Variants in CERKL observed in about 807,000 individuals in gnomAD.
CERKL encodes ceramide kinase-like protein.
Under a neutral mutation model 63.4 loss-of-function variants are expected in CERKL, and 61 were observed. That is an observed-to-expected ratio of 0.96 (90% CI 0.78 to 1.19). The LOEUF (loss-of-function observed/expected upper bound fraction) is 1.19, where lower values mean the gene tolerates loss of function less well. Ranked by LOEUF, CERKL falls within the 50% of genes most tolerant of loss-of-function variation. The pLI is 0.00. For missense variants in CERKL, 675 were observed against 655.5 expected (o/e 1.03, Z -0.33); for synonymous variants, 250 against 230.5 (o/e 1.08, Z -0.77).
intron 1 of CERKL, among the ~76,000 whole-genome samples, chr2:181,606,073 T>A: frequency 0.016 from 1,405 of 87,174 alleles, no homozygotes; most frequent in African/African-American, 0.021. Context: ...AAAGGAAGAG[T>A]GAAAAAGAAA....
intron 2 of CERKL, among the ~76,000 whole-genome samples, chr2:181,589,143 A>G (rs896911881): frequency 6.6e-6 from 1 of 152,150 alleles, no homozygotes; most frequent in Non-Finnish European, 1.5e-5. Flanking sequence ...CATCTTAAAA[A>G]TGATTGCCAG....
intron 11 of CERKL, among the ~76,000 whole-genome samples, chr2:181,542,330 A>G (rs922510423): frequency 1.8e-4 from 27 of 152,204 alleles, no homozygotes; most frequent in African/African-American, 6.3e-4. Flanking sequence ...TCAACCTGGT[A>G]AAAATGGTTC....
Position 181,566,127 on chromosome 2 carries a change from A to G in CERKL, c.614-6T>C. The G allele has an allele frequency of 6.2e-7, 1 of 1,605,022 alleles. No homozygotes were observed. The highest frequency in any genetic ancestry group is 8.5e-7 in the Non-Finnish European group (1 of 1,172,128). On this transcript the variant is annotated splice_region_variant and splice_polypyrimidine_tract_variant and intron_variant, in intron 3 of 12. Transcript: ENST00000410087. Reference sequence around the variant, plus strand: ...GTGCCCTTCATATTCCATTACTATTAAAAAAACACACACACATACACAAAG... The same window carrying G: ...GTGCCCTTCATATTCCATTACTATTGAAAAAACACACACACATACACAAAG...
intron 1 of CERKL, among the ~76,000 whole-genome samples, chr2:181,639,689 G>C (rs1331434443): frequency 6.6e-6 from 1 of 152,178 alleles, no homozygotes; most frequent in Non-Finnish European, 1.5e-5. Flanking sequence ...TAACCAAATG[G>C]GGACAGTGCA....
Position 181,537,710 on chromosome 2 carries a change from GT to G in CERKL, c.*473del, listed in dbSNP as rs74486071. ...ATTGATGTATTATGATGGTTGCAAA[GT>G]TTTTTTGTGTGTCCAATAAACACAT... On this transcript the variant is annotated 3_prime_UTR_variant, in exon 13 of 13. Transcript: ENST00000410087. 0.12 allele frequency: 51,572 copies of G among 426,586 alleles called. 3,801 individuals are homozygous for G. The highest frequency in any genetic ancestry group is 0.22 in the East Asian group (3,064 of 14,132). 26.4% of individuals were successfully genotyped at this position (426,586 alleles called of 1,614,324 possible). A position where few individuals can be genotyped will look rare whatever the true frequency, so the allele number is the denominator to read the frequency against.
At chr2:181,547,045 G>A (rs928306955) in intron 10 of CERKL, among the ~76,000 whole-genome samples, 2 of 152,070 alleles carry the variant, frequency 1.3e-5, no homozygotes, top group East Asian at 3.9e-4. Context: ...AAAAATAGGA[G>A]TTTCCCTGCA....
intron 1 of CERKL, among the ~76,000 whole-genome samples, chr2:181,614,804 T>A (rs1381058783): frequency 6.6e-6 from 1 of 152,216 alleles, no homozygotes; most frequent in Non-Finnish European, 1.5e-5. Context: ...TAAATATAAC[T>A]TTAATTCTAC....
chr2:181,582,861 T>C (rs528043493), intron 2 of CERKL, among the ~76,000 whole-genome samples: 1 of 152,218 alleles, frequency 6.6e-6, no homozygotes, highest in South Asian at 2.1e-4. Context: ...CATATGTTTC[T>C]AATAGACATC....
rs1688654801 is a variant in CERKL at position 181,566,096 on chromosome 2, C to CA, written c.638dup (p.Ser214ValfsTer4). The CA allele has an allele frequency of 1.2e-6, 2 of 1,611,052 alleles. No individual in the cohort carries two copies. The highest frequency in any genetic ancestry group is 4.5e-5 in the East Asian group (2 of 44,692). ...GGAGTTCACATTCCTTAAGCAGTGA[C>CA]AGAGCGTGCCCTTCATATTCCATTA... On this transcript the variant is annotated frameshift_variant, in exon 4 of 13. Coordinates refer to ENST00000410087, the MANE Select transcript of CERKL (RefSeq NM_201548.5). LOFTEE classifies it high-confidence loss of function.
chr2:181,620,924 C>T (rs1686422059), intron 1 of CERKL, among the ~76,000 whole-genome samples: 1 of 152,100 alleles, frequency 6.6e-6, no homozygotes, highest in Non-Finnish European at 1.5e-5. Context: ...TAGGCCCAGA[C>T]TTACTGAAGA....
intron 1 of CERKL, among the ~76,000 whole-genome samples, chr2:181,635,798 G>T (rs1372719531): frequency 6.6e-6 from 1 of 152,048 alleles, no homozygotes; most frequent in Non-Finnish European, 1.5e-5. Context: ...AGCTTAAAAT[G>T]GTATGAACAG....
At chr2:181,650,152 A>C in intron 1 of CERKL, 1 of 143,638 alleles carries the variant, frequency 7.0e-6, no homozygotes. Flanking sequence ...GAAGGAAGGA[A>C]GGAAGGAAGG....
chr2:181,603,777 G>A (rs1685554435), intron 2 of CERKL, 60 bp downstream of exon 2: 1 of 1,529,602 alleles, frequency 6.5e-7, no homozygotes, highest in Middle Eastern at 1.7e-4. Context: ...AACATGTCTA[G>A]ATTAATCATG....
rs746961970 is a variant in CERKL at position 181,549,746 on chromosome 2, G to A, written c.821-38C>T. ...TTTTAAAACATGCACTATTAGGGTA[G>A]AATGTGTTCAAACTAACATTTGCTT... is the stretch of plus-strand genomic sequence containing the variant. On this transcript the variant is annotated intron_variant, in intron 5 of 12. Coordinates refer to ENST00000410087, the MANE Select transcript of CERKL (RefSeq NM_201548.5). 6.7e-6 allele frequency: 9 copies of A among 1,350,558 alleles called. No individual in the cohort carries two copies. The South Asian group carries it at 9.3e-5, about 14-fold the overall frequency. The allele number at this position is 1,350,558 out of a possible 1,614,324, so 83.7% of individuals were successfully genotyped here.
In CERKL at chr2:181,550,379, G is replaced by C. The variant is rs1457472021; in HGVS notation, c.821-671C>G. ...AGACACACCTGGATTTTCCCCACCA[G>C]TCCACAGAGGCAAAGAGCGCCCTAA... On this transcript the variant is annotated intron_variant, in intron 5 of 12. Transcript: ENST00000410087. The surrounding 1 kb of genome is among the most constrained non-coding windows in gnomAD (Gnocchi z 4.5). 6.6e-6 allele frequency among the ~76,000 whole-genome samples: 1 copy of C among 152,108 alleles called. No individual in the cohort carries two copies. Among genetic ancestry groups the C allele is most frequent in the East Asian group, 1.9e-4 (1 of 5,200 alleles).
rs576509517 is a variant in CERKL at position 181,538,385 on chromosome 2, G to A, written c.1539-141C>T. 1.1e-5 allele frequency: 7 copies of A among 614,066 alleles called. No individual in the cohort carries two copies. The East Asian group carries it at 1.4e-4, about 12-fold the overall frequency. The allele number at this position is 614,066 out of a possible 1,614,324, so 38.0% of individuals were successfully genotyped here. On this transcript the variant is annotated intron_variant, in intron 12 of 12. Transcript: ENST00000410087. ...CAACAGAGCTGTAATCTAGAAAACTGAGAAGGTCTGATTGATAAATCATCA... is the reference window on the plus strand; with the variant it reads ...CAACAGAGCTGTAATCTAGAAAACTAAGAAGGTCTGATTGATAAATCATCA...
intron 1 of CERKL, among the ~76,000 whole-genome samples, chr2:181,647,830 C>A (rs3910663): frequency 0.71 from 108,501 of 151,870 alleles, 39,643 homozygotes; most frequent in East Asian, 0.92. Context: ...ATTCAGCAGG[C>A]TACAAGAGAA....
At position 181,652,007 on chromosome 2, in the gene CERKL, A is replaced by C. The variant is rs186348539; in HGVS notation, c.238+4762T>G. 6.7e-4 allele frequency among the ~76,000 whole-genome samples: 102 copies of C among 152,322 alleles called. 1 individual carries two copies. The highest frequency in any genetic ancestry group is 2.0e-3 in the African/African-American group (83 of 41,570). ...CTTTGATGAAAGAAATTATCTTCCC[A>C]CATCAATAAATGGGAAGATAGTACA... is the stretch of plus-strand genomic sequence containing the variant. On this transcript the variant is annotated intron_variant, in intron 1 of 12. Coordinates refer to ENST00000410087, the MANE Select transcript of CERKL (RefSeq NM_201548.5).
At chr2:181,542,685 G>T (rs1349579410) in intron 11 of CERKL, among the ~76,000 whole-genome samples, 2 of 151,440 alleles carry the variant, frequency 1.3e-5, no homozygotes, top group East Asian at 3.9e-4. Context: ...AAATAAATCA[G>T]AGTTAAGGCC....
Sources: gnomAD v4.1 joint callset for allele counts (sites outside exome capture counted in the v4.1 genomes callset) on GRCh38, gnomAD v4.1.1 for gene constraint, Gnocchi (gnomAD v3.1) non-coding constraint, MANE v1.5 for transcripts, NCBI Gene and HGNC (gene_info 2026-07-23, HGNC 2026-07-21) for gene names.